PDE1A: variants seen among roughly 807,000 people sequenced by gnomAD.
PDE1A encodes the protein dual specificity calcium/calmodulin-dependent 3',5'-cyclic nucleotide phosphodiesterase 1A.
PDE1A carries 35 observed loss-of-function variants against 61.7 expected under a neutral mutation model. That is an observed-to-expected ratio of 0.57 (90% CI 0.43 to 0.75). The LOEUF (loss-of-function observed/expected upper bound fraction) is 0.75. Among genes scored for constraint, PDE1A ranks in the 30% least tolerant of loss-of-function variants. PDE1A has a pLI of 0.00. For missense variants in PDE1A, 597 were observed against 630.6 expected, an observed-to-expected ratio of 0.95 and a Z score of 0.57; for synonymous variants, 232 against 213.2, an observed-to-expected ratio of 1.09 and a Z score of -0.77.
chr2:182,632,157 C>G, the PDE1A span, among the ~76,000 whole-genome samples: 1 of 151,908 alleles, frequency 6.6e-6, no homozygotes, highest in Non-Finnish European at 1.5e-5. Context: ...CACCAAGAGA[C>G]AGAGAGAGAG....
intron 11 of PDE1A, among the ~76,000 whole-genome samples, chr2:182,188,624 G>A (rs1685442035): frequency 6.6e-6 from 1 of 152,230 alleles, no homozygotes; most frequent in South Asian, 2.1e-4. Flanking sequence ...TAGAACAAGT[G>A]CACTAACATT....
chr2:182,337,586 C>T (rs1046053771), intron 1 of PDE1A, among the ~76,000 whole-genome samples: 4 of 152,064 alleles, frequency 2.6e-5, no homozygotes, highest in Non-Finnish European at 4.4e-5. Context: ...TGGAGAATGG[C>T]CTTTTGTACT....
At chr2:182,465,865 T>A (rs766993425) in intron 2 of PDE1A, among the ~76,000 whole-genome samples, 44 of 152,140 alleles carry the variant, frequency 2.9e-4, no homozygotes, top group Non-Finnish European at 6.3e-4. Context: ...ACATGTCAAT[T>A]CATTAAATAA....
At chr2:182,569,710 T>A in the PDE1A span, among the ~76,000 whole-genome samples, 1 of 152,190 alleles carries the variant, frequency 6.6e-6, no homozygotes, top group African/African-American at 2.4e-5. Context: ...AAAACTGAAG[T>A]TCAGCAATTG....
chr2:182,644,744 G>A, the PDE1A span, among the ~76,000 whole-genome samples: 2 of 152,056 alleles, frequency 1.3e-5, no homozygotes, highest in African/African-American at 4.8e-5. Context: ...GGTAGCATAA[G>A]AGGCAGAATG....
intron 2 of PDE1A, among the ~76,000 whole-genome samples, chr2:182,439,903 T>C (rs368533111): frequency 6.6e-6 from 1 of 152,122 alleles, no homozygotes; most frequent in Admixed American, 6.6e-5. Flanking sequence ...CCTACCTTAA[T>C]GCCTTGATTT....
the PDE1A span, among the ~76,000 whole-genome samples, chr2:182,712,391 G>T: frequency 2.0e-5 from 3 of 152,174 alleles, no homozygotes; most frequent in Non-Finnish European, 4.4e-5. Flanking sequence ...GGATTTTGAT[G>T]ATTGTGTTTT....
intron 2 of PDE1A, chr2:182,463,490 A>G (rs1686445596): frequency 6.6e-6 from 1 of 152,116 alleles, no homozygotes; most frequent in East Asian, 1.9e-4. Context: ...GAAAGAAGAG[A>G]ATATTTATGC....
chr2:182,240,976 G>A, intron 2 of PDE1A, among the ~76,000 whole-genome samples: 1 of 152,176 alleles, frequency 6.6e-6, no homozygotes, highest in East Asian at 1.9e-4. Flanking sequence ...GCTCTCATGG[G>A]TTTAGAGCTG....
the PDE1A span, among the ~76,000 whole-genome samples, chr2:182,553,554 G>T: frequency 6.6e-6 from 1 of 152,168 alleles, no homozygotes; most frequent in Non-Finnish European, 1.5e-5. Flanking sequence ...TAAATAAAAT[G>T]TTGTCATTCT....
At chr2:182,386,740 T>C (rs1286389634) in intron 1 of PDE1A, among the ~76,000 whole-genome samples, 2 of 150,848 alleles carry the variant, frequency 1.3e-5, no homozygotes, top group African/African-American at 4.9e-5. Context: ...AGCCACCTCG[T>C]CCAGGAGGGA....
intron 13 of PDE1A, among the ~76,000 whole-genome samples, chr2:182,169,808 CTAA>C (rs1416269515): frequency 6.6e-6 from 1 of 151,740 alleles, no homozygotes; most frequent in Admixed American, 6.6e-5. Context: ...ACCAAGCCAG[CTAA>C]TAATCTCTAT....
intron 1 of PDE1A, among the ~76,000 whole-genome samples, chr2:182,276,137 C>G (rs1693393895): frequency 6.6e-6 from 1 of 151,936 alleles, no homozygotes; most frequent in Admixed American, 6.6e-5. Flanking sequence ...TCCATTCTCT[C>G]TCTTTTCTCT....
chr2:182,644,034 A>G, the PDE1A span, among the ~76,000 whole-genome samples: 1 of 151,242 alleles, frequency 6.6e-6, no homozygotes, highest in Non-Finnish European at 1.5e-5. Context: ...TTCCCAGAAC[A>G]CTACAGTTTG....
chr2:182,626,838 C>CATATATATACATGTATATATACAT, the PDE1A span, among the ~76,000 whole-genome samples: 1 of 10,034 alleles, frequency 1.0e-4, no homozygotes, highest in Non-Finnish European at 2.1e-4. Context: ...TATATATATA[C>CATATATATACATGTATATATACAT]ATATATATAC....
At chr2:182,293,040 A>G (rs1235120999) in intron 1 of PDE1A, among the ~76,000 whole-genome samples, 1 of 152,130 alleles carries the variant, frequency 6.6e-6, no homozygotes, top group Non-Finnish European at 1.5e-5. Flanking sequence ...GTACAGTTCA[A>G]TGAATTTCAA....
chr2:182,605,525 A>G, the PDE1A span, among the ~76,000 whole-genome samples: 1 of 152,350 alleles, frequency 6.6e-6, no homozygotes, highest in Non-Finnish European at 1.5e-5. Context: ...TGTGGAGCAC[A>G]TCTCCAATGG....
chr2:182,165,251 G>C (rs1486434719), downstream of PDE1A, among the ~76,000 whole-genome samples: 4 of 152,024 alleles, frequency 2.6e-5, no homozygotes, highest in African/African-American at 9.7e-5. Context: ...CACTGTTTCT[G>C]CAACATTATG....
intron 2 of PDE1A, among the ~76,000 whole-genome samples, chr2:182,521,394 C>T (rs1238504420): frequency 5.3e-5 from 8 of 151,958 alleles, no homozygotes; most frequent in Non-Finnish European, 7.4e-5. Flanking sequence ...TTGAGATCTG[C>T]AAATATACTA....
Sources: allele counts gnomAD v4.1 joint callset (sites outside exome capture counted in the v4.1 genomes callset), GRCh38; gene constraint gnomAD v4.1.1; transcripts MANE v1.5; gene names NCBI Gene and HGNC (gene_info 2026-07-23, HGNC 2026-07-21).